Variants in NELL1 observed in about 807,000 individuals in gnomAD.
NELL1 encodes the protein neural EGFL like 1, also known as protein kinase C-binding protein NELL1.
NELL1 carries 76 observed loss-of-function variants against 107.4 expected under a neutral mutation model. That is an observed-to-expected ratio of 0.71 (90% CI 0.59 to 0.86). The LOEUF (loss-of-function observed/expected upper bound fraction) is 0.86. Ranked by LOEUF, NELL1 falls within the 40% of genes least tolerant of loss-of-function variation. The pLI, the probability that NELL1 is intolerant of heterozygous loss-of-function variation, is 0.00. For synonymous variants in NELL1, 353 were observed against 341.2 expected (o/e 1.03, Z -0.38); for missense variants, 1,024 against 1,005.5 (o/e 1.02, Z -0.25).
intron 2 of NELL1, among the ~76,000 whole-genome samples, chr11:20,717,510 AT>A (rs1855280645): frequency 6.6e-6 from 1 of 152,106 alleles, no homozygotes; most frequent in East Asian, 1.9e-4. Context: ...TAGAGGTTCT[AT>A]TTACAAATGG....
chr11:21,048,876 C>T (rs748225934), intron 12 of NELL1, among the ~76,000 whole-genome samples: 38 of 152,272 alleles, frequency 2.5e-4, no homozygotes, highest in Non-Finnish European at 4.6e-4. Flanking sequence ...GAGCTCAGTG[C>T]TGCTGAGAGT....
chr11:20,755,630 A>T (rs982613461), intron 2 of NELL1, among the ~76,000 whole-genome samples: 4 of 145,500 alleles, frequency 2.7e-5, no homozygotes, highest in Admixed American at 1.4e-4. Context: ...ATCTCAGCTC[A>T]CTGCAACCTC....
chr11:21,203,484 CTTTTA>C (rs1364141768), intron 13 of NELL1, among the ~76,000 whole-genome samples: 16 of 137,460 alleles, frequency 1.2e-4, no homozygotes, highest in African/African-American at 4.3e-4. Flanking sequence ...TTCCTCCATC[CTTTTA>C]TTTTGAGCCT....
At chr11:21,551,938 C>T (rs1856598070) in intron 16 of NELL1, among the ~76,000 whole-genome samples, 1 of 145,312 alleles carries the variant, frequency 6.9e-6, no homozygotes, top group Non-Finnish European at 1.5e-5. Context: ...ACATATACAC[C>T]ATGGAATACT....
chr11:20,677,910 A>G (rs1030355015), intron 1 of NELL1, 22 bp from the exon 2 acceptor site: 27 of 1,613,000 alleles, frequency 1.7e-5, no homozygotes, highest in Non-Finnish European at 2.3e-5. Context: ...TTAAGCCCAA[A>G]CAACTCTTTG....
chr11:20,786,785 T>G lies in NELL1; in HGVS notation c.335+2955T>G, dbSNP rs528304921. Among the ~76,000 whole-genome samples, 1,275 of 151,796 alleles carry G rather than the reference T, an allele frequency of 8.4e-3. 10 individuals carry two copies. The highest frequency in any genetic ancestry group is 0.011 in the Non-Finnish European group (754 of 67,858). ...GCACTTTGGGAGGCCAAGGTGGGCA[T>G]ATCACAAGGTCAGGAGATCGAGACC... On this transcript the variant is annotated intron_variant, in intron 3 of 19. Transcript: ENST00000357134.
chr11:21,337,745 T>C (rs919629457), intron 14 of NELL1, among the ~76,000 whole-genome samples: 3 of 121,936 alleles, frequency 2.5e-5, no homozygotes, highest in Non-Finnish European at 5.0e-5. Context: ...CCTTTCTTTC[T>C]TTCTTTCTTT....
intron 13 of NELL1, among the ~76,000 whole-genome samples, chr11:21,151,182 C>T (rs1044921192): frequency 2.6e-5 from 4 of 152,142 alleles, no homozygotes; most frequent in African/African-American, 7.2e-5. Context: ...AGGTTGAATA[C>T]CCTGTGGCCT....
chr11:21,510,327 A>G (rs1048341612), intron 15 of NELL1, among the ~76,000 whole-genome samples: 5 of 152,200 alleles, frequency 3.3e-5, no homozygotes, highest in Non-Finnish European at 7.3e-5. Context: ...TCCAAATGCA[A>G]TTTAGAAGTG....
intron 16 of NELL1, among the ~76,000 whole-genome samples, chr11:21,538,635 C>A (rs1419052466): frequency 6.6e-6 from 1 of 152,100 alleles, no homozygotes; most frequent in Non-Finnish European, 1.5e-5. Context: ...CTGTAGGGTA[C>A]AATGCACTCT....
At chr11:21,381,413 G>A (rs1337749485) in intron 15 of NELL1, among the ~76,000 whole-genome samples, 1 of 151,754 alleles carries the variant, frequency 6.6e-6, no homozygotes, top group Non-Finnish European at 1.5e-5. Context: ...CTAAGTGTCG[G>A]TTTGCCACTA....
At chr11:20,976,144 CAT>C (rs1491205091) in intron 12 of NELL1, among the ~76,000 whole-genome samples, 1 of 103,634 alleles carries the variant, frequency 9.6e-6, no homozygotes, top group East Asian at 3.4e-4. Context: ...CATGTACACA[CAT>C]GTATATATAT....
chr11:21,266,427 G>T (rs570638796), intron 14 of NELL1, among the ~76,000 whole-genome samples: 115 of 152,140 alleles, frequency 7.6e-4, no homozygotes, highest in African/African-American at 2.7e-3. Context: ...CAGACATTTG[G>T]CTCTGCAGCT....
chr11:21,123,785 A>T (rs753237753), intron 13 of NELL1, among the ~76,000 whole-genome samples: 18 of 152,210 alleles, frequency 1.2e-4, no homozygotes, highest in Non-Finnish European at 2.1e-4. Context: ...GTAAGAAAAA[A>T]ACTGGAAGCA....
At chr11:21,350,511 T>C (rs901504999) in intron 14 of NELL1, among the ~76,000 whole-genome samples, 2 of 152,170 alleles carry the variant, frequency 1.3e-5, no homozygotes, top group African/African-American at 4.8e-5. Flanking sequence ...AAGAACAAAA[T>C]AGAAGCCAAA....
At chr11:21,106,978 C>T (rs894510323) in intron 12 of NELL1, among the ~76,000 whole-genome samples, 7 of 151,970 alleles carry the variant, frequency 4.6e-5, no homozygotes, top group African/African-American at 1.5e-4. Context: ...TTGTGTGCCT[C>T]GATGTTTTTA....
chr11:20,778,342 C>A (rs1467991845), intron 2 of NELL1, among the ~76,000 whole-genome samples: 1 of 152,110 alleles, frequency 6.6e-6, no homozygotes, highest in Non-Finnish European at 1.5e-5. Context: ...ATAGGGGAAG[C>A]AAGGTATATG....
chr11:21,032,635 G>A (rs1169937874), intron 12 of NELL1, among the ~76,000 whole-genome samples: 3 of 151,998 alleles, frequency 2.0e-5, no homozygotes, highest in East Asian at 1.9e-4. Context: ...TGATTCACCC[G>A]CCCCAGCCTC....
chr11:21,139,288 T>C lies in NELL1; in HGVS notation c.1426+25574T>C, dbSNP rs147764751. On this transcript the variant is annotated intron_variant, in intron 13 of 19. Coordinates refer to ENST00000357134, the MANE Select transcript of NELL1 (RefSeq NM_006157.5). ...GCCTAAAATAGTACCATCAATTCAG[T>C]CTCTAGTTATCCATCCTAACTCAGG... Among the ~76,000 whole-genome samples the C allele has an allele frequency of 2.6e-3, 394 of 152,274 alleles. 2 individuals carry two copies. The highest frequency in any genetic ancestry group is 9.0e-3 in the African/African-American group (374 of 41,540).
Sources: allele counts gnomAD v4.1 joint callset (sites outside exome capture counted in the v4.1 genomes callset), GRCh38; gene constraint gnomAD v4.1.1; transcripts MANE v1.5; gene names NCBI Gene and HGNC (gene_info 2026-07-23, HGNC 2026-07-21).